INPP4B: variants seen among roughly 807,000 people sequenced by gnomAD.
INPP4B encodes the protein inositol polyphosphate-4-phosphatase type II B, also known as inositol polyphosphate 4-phosphatase type II.
INPP4B carries 55 observed loss-of-function variants against 122.5 expected under a neutral mutation model. The observed-to-expected ratio is 0.45, with a 90% CI of 0.36 to 0.56. The LOEUF is 0.56. INPP4B is among the 20% of genes least tolerant of loss of function. INPP4B has a pLI of 0.00. For missense variants in INPP4B, 1,000 were observed against 1,097.7 expected, an observed-to-expected ratio of 0.91 and a Z score of 1.26; for synonymous variants, 403 against 388.7, an observed-to-expected ratio of 1.04 and a Z score of -0.43.
Position 142,659,243 on chromosome 4 carries a change from C to CA in INPP4B, c.-191+66595dup, listed in dbSNP as rs34481460. 3.4e-3 allele frequency among the ~76,000 whole-genome samples: 500 copies of CA among 146,594 alleles called. 3 individuals carry two copies. Among genetic ancestry groups the CA allele is most frequent in the Non-Finnish European group, 5.5e-3 (364 of 66,768 alleles). On this transcript the variant is annotated intron_variant, in intron 2 of 25. Coordinates refer to ENST00000262992, the MANE Select transcript of INPP4B (RefSeq NM_001101669.3). ...TGAAACCCCGCCTCTACTAAAAATA[C>CA]AAAAAAAAAAAAATTAGCCAGGCGT...
intron 1 of INPP4B, among the ~76,000 whole-genome samples, chr4:142,841,030 A>C (rs1783416112): frequency 6.6e-6 from 1 of 151,972 alleles, no homozygotes; most frequent in Admixed American, 6.6e-5. Context: ...GAAGACAAGA[A>C]ATTTTTACTT....
intron 2 of INPP4B, among the ~76,000 whole-genome samples, chr4:142,575,006 C>T (rs189322199): frequency 2.0e-5 from 3 of 152,172 alleles, no homozygotes; most frequent in Non-Finnish European, 2.9e-5. Context: ...AATAACATTT[C>T]GCTAGCACTG....
chr4:142,625,963 G>T (rs541070282), intron 2 of INPP4B, among the ~76,000 whole-genome samples: 1 of 151,962 alleles, frequency 6.6e-6, no homozygotes, highest in Non-Finnish European at 1.5e-5. Context: ...CCTTCCTTAC[G>T]CCTTATACAA....
At chr4:142,666,716 A>G (rs1756160204) in intron 2 of INPP4B, among the ~76,000 whole-genome samples, 2 of 152,192 alleles carry the variant, frequency 1.3e-5, no homozygotes, top group Middle Eastern at 3.4e-3. Flanking sequence ...TTAATGTCCA[A>G]TTACATCACC....
intron 2 of INPP4B, among the ~76,000 whole-genome samples, chr4:142,621,308 T>C (rs1034728774): frequency 3.3e-5 from 5 of 151,926 alleles, no homozygotes; most frequent in African/African-American, 4.8e-5. Flanking sequence ...AGGTAAGTGA[T>C]GTAGATCTAC....
intron 2 of INPP4B, among the ~76,000 whole-genome samples, chr4:142,615,518 G>T (rs996698725): frequency 6.6e-6 from 1 of 152,172 alleles, no homozygotes; most frequent in African/African-American, 2.4e-5. Flanking sequence ...GACCTGTAGG[G>T]ATGTGTGAGT....
At chr4:142,614,410 C>A (rs548097102) in intron 2 of INPP4B, among the ~76,000 whole-genome samples, 1 of 152,052 alleles carries the variant, frequency 6.6e-6, no homozygotes, top group African/African-American at 2.4e-5. Context: ...GATTAAAAAC[C>A]TAAATGTAAG....
At chr4:142,809,999 G>A (rs1446637446) in intron 1 of INPP4B, among the ~76,000 whole-genome samples, 1 of 151,824 alleles carries the variant, frequency 6.6e-6, no homozygotes, top group East Asian at 1.9e-4. Flanking sequence ...TTGAACCTTT[G>A]TCTGTACTAA....
chr4:142,684,129 T>G (rs529992218), intron 2 of INPP4B, among the ~76,000 whole-genome samples: 1 of 152,182 alleles, frequency 6.6e-6, no homozygotes, highest in South Asian at 2.1e-4. Context: ...CCAATTTGTA[T>G]GCAATAATAA....
chr4:142,471,635 C>A (rs1221551407), intron 2 of INPP4B, among the ~76,000 whole-genome samples: 1 of 152,206 alleles, frequency 6.6e-6, no homozygotes, highest in Non-Finnish European at 1.5e-5. Flanking sequence ...ACAGTGGGGG[C>A]AGAGGTTCTG....
intron 9 of INPP4B, among the ~76,000 whole-genome samples, chr4:142,271,452 T>C (rs1361190575): frequency 2.6e-5 from 4 of 152,202 alleles, no homozygotes; most frequent in Non-Finnish European, 2.9e-5. Flanking sequence ...GAGATACCTA[T>C]GTGTCTATCA....
At chr4:142,093,878 T>TCACC (rs1218954872) in intron 23 of INPP4B, among the ~76,000 whole-genome samples, 3 of 143,826 alleles carry the variant, frequency 2.1e-5, no homozygotes, top group Non-Finnish European at 4.6e-5. Flanking sequence ...CAAGGTTGCA[T>TCACC]CACCCATAGC....
chr4:142,556,696 A>G (rs1439183187), intron 2 of INPP4B, among the ~76,000 whole-genome samples: 1 of 145,250 alleles, frequency 6.9e-6, no homozygotes, highest in East Asian at 3.0e-4. Flanking sequence ...TTTCCTGCTG[A>G]TGTGTTATTT....
At position 142,570,217 on chromosome 4, in the gene INPP4B, A is replaced by G. The variant is rs1157138581; in HGVS notation, c.-190-107491T>C. ...AATAAAGTGAGTTTCAATGACATTA[A>G]TAATATGTTCTCTTGGTAAACAACC... On this transcript the variant is annotated intron_variant, in intron 2 of 25. Transcript: ENST00000262992. Among the ~76,000 whole-genome samples the G allele has an allele frequency of 2.0e-5, 3 of 152,132 alleles. No homozygotes were observed. The East Asian group carries it at 5.8e-4, about 29-fold the overall frequency.
At chr4:142,379,619 T>G (rs1196772601) in intron 7 of INPP4B, among the ~76,000 whole-genome samples, 1 of 152,220 alleles carries the variant, frequency 6.6e-6, no homozygotes, top group Non-Finnish European at 1.5e-5. Flanking sequence ...GTTCCTGCTG[T>G]GCAGCCTATA....
intron 14 of INPP4B, among the ~76,000 whole-genome samples, chr4:142,200,198 T>G (rs569705624): frequency 1.3e-5 from 2 of 152,134 alleles, no homozygotes; most frequent in African/African-American, 2.4e-5. Context: ...GCTGTTCAGG[T>G]TGTGCCAACT....
chr4:142,418,491 A>T (rs1304506098), intron 5 of INPP4B, among the ~76,000 whole-genome samples: 1 of 152,086 alleles, frequency 6.6e-6, no homozygotes, highest in Non-Finnish European at 1.5e-5. Flanking sequence ...ATGACAAGAA[A>T]TTTTTTTAAA....
At chr4:142,663,665 A>G (rs941309201) in intron 2 of INPP4B, among the ~76,000 whole-genome samples, 1 of 150,474 alleles carries the variant, frequency 6.6e-6, no homozygotes, top group African/African-American at 2.4e-5. Flanking sequence ...TATGTGTAAT[A>G]TTTTTAATAG....
At chr4:142,702,450 C>T (rs1036757030) in intron 2 of INPP4B, among the ~76,000 whole-genome samples, 8 of 152,072 alleles carry the variant, frequency 5.3e-5, no homozygotes, top group South Asian at 2.1e-4. Context: ...CGAGGCCAGG[C>T]GCGGTGGCTC....
Sources: gnomAD v4.1 joint callset for allele counts (sites outside exome capture counted in the v4.1 genomes callset) on GRCh38, gnomAD v4.1.1 for gene constraint, MANE v1.5 for transcripts, NCBI Gene and HGNC (gene_info 2026-07-23, HGNC 2026-07-21) for gene names.